Variants in CSMD1 observed in about 807,000 individuals in gnomAD.
CSMD1 encodes the protein CUB and Sushi multiple domains 1, also known as CUB and sushi domain-containing protein 1.
A neutral mutation model predicts 417.5 loss-of-function variants in CSMD1; 213 were observed. That is an observed-to-expected ratio of 0.51 (90% confidence interval 0.46 to 0.57). The LOEUF is 0.57. Ranked by LOEUF, CSMD1 falls within the 20% of genes least tolerant of loss-of-function variation. The probability of loss-of-function intolerance (pLI) is 0.00; values close to 1 mark genes in which losing one functional copy is unlikely to be tolerated. For missense variants in CSMD1, 6,923 were observed against 4,529.7 expected, an observed-to-expected ratio of 1.53 and a Z score of -15.17; for synonymous variants, 2,862 against 1,736.8, an observed-to-expected ratio of 1.65 and a Z score of -16.11.
At chr8:4,948,154 T>C (rs56662834) in intron 1 of CSMD1, among the ~76,000 whole-genome samples, 10,840 of 152,070 alleles carry the variant, frequency 0.071, 474 homozygotes, top group South Asian at 0.17. Flanking sequence ...GGTACAAAGT[T>C]TCCTAATGAT....
At chr8:4,309,462 GA>G (rs1286159506) in intron 3 of CSMD1, among the ~76,000 whole-genome samples, 17 of 142,456 alleles carry the variant, frequency 1.2e-4, no homozygotes, top group South Asian at 4.2e-4. Context: ...TGAAAGACGA[GA>G]AAAAATAAAT....
In CSMD1 at chr8:3,190,094, G is replaced by A. The variant is rs577301274; in HGVS notation, c.5216C>T (p.Thr1739Ile). 2 of 1,591,156 alleles carry A rather than the reference G, an allele frequency of 1.3e-6. No individual in the cohort carries two copies. The highest frequency in any genetic ancestry group is 1.7e-6 in the Non-Finnish European group (2 of 1,168,910). ...VYQAVPRTSD[T>I]QCSSVPEPRY... ...GGGCTCGGGGACAGAGCTGCATTGG[G>A]TGTCACTGGTACGAGGAACAGCTAG... is the stretch of plus-strand genomic sequence containing the variant. The change falls in exon 34 of 70, where the codon ACC becomes ATC. Residue 1739 changes from threonine (T) to isoleucine (I), a missense_variant. Coordinates refer to ENST00000635120, the MANE Select transcript of CSMD1 (RefSeq NM_033225.6).
chr8:3,944,101 A>G (rs191691382), intron 5 of CSMD1, among the ~76,000 whole-genome samples: 142 of 152,304 alleles, frequency 9.3e-4, no homozygotes, highest in African/African-American at 3.1e-3. Context: ...AGAATAAAGC[A>G]AATGTGATAA....
At chr8:3,206,794 T>C (rs1797319402) in intron 30 of CSMD1, among the ~76,000 whole-genome samples, 1 of 152,154 alleles carries the variant, frequency 6.6e-6, no homozygotes, top group Non-Finnish European at 1.5e-5. Context: ...TGAAAAACAC[T>C]GTACACAGAT....
At position 3,121,082 on chromosome 8, in the gene CSMD1, A is replaced by C. The variant is rs555212154; in HGVS notation, c.6242-2495T>G. On this transcript the variant is annotated intron_variant, in intron 41 of 69. Transcript: ENST00000635120. ...AGCATTATTTACACTACAGAAATCC[A>C]AACAACAACAAAAAAAAAATAGGGA... 1.4e-3 allele frequency among the ~76,000 whole-genome samples: 190 copies of C among 138,242 alleles called. 2 individuals carry two copies. Among genetic ancestry groups the C allele is most frequent in the South Asian group, 2.7e-3 (12 of 4,436 alleles). The allele number at this position is 138,242 out of a possible 152,430, so 90.7% of individuals were successfully genotyped here.
chr8:4,631,554 G>A (rs566337794), intron 2 of CSMD1, among the ~76,000 whole-genome samples: 81 of 152,172 alleles, frequency 5.3e-4, no homozygotes, highest in African/African-American at 1.8e-3. Flanking sequence ...GCCCTCATAT[G>A]TCTATAAGTT....
chr8:4,942,623 T>C (rs1419828017), intron 1 of CSMD1, among the ~76,000 whole-genome samples: 3 of 152,204 alleles, frequency 2.0e-5, no homozygotes, highest in Admixed American at 2.0e-4. Context: ...CCAATATGGA[T>C]CTTGCCACTT....
intron 2 of CSMD1, among the ~76,000 whole-genome samples, chr8:4,509,420 GTAAAGAATTAAT>G (rs533737188): frequency 5.9e-5 from 9 of 152,286 alleles, no homozygotes; most frequent in Non-Finnish European, 1.2e-4. Context: ...GTATTGAAAT[GTAAAGAATTAAT>G]TAAAGAATTA....
At chr8:3,344,233 G>C (rs1225215134) in intron 22 of CSMD1, among the ~76,000 whole-genome samples, 1 of 152,162 alleles carries the variant, frequency 6.6e-6, no homozygotes, top group Non-Finnish European at 1.5e-5. Context: ...ATCATAATCT[G>C]AATGAGGATC....
intron 4 of CSMD1, among the ~76,000 whole-genome samples, chr8:4,008,605 T>TTA (rs1451431055): frequency 2.2e-4 from 26 of 119,182 alleles, no homozygotes; most frequent in African/African-American, 9.2e-4. Flanking sequence ...TTTTTCTTTT[T>TTA]TTTTTTTTTT....
intron 3 of CSMD1, among the ~76,000 whole-genome samples, chr8:4,418,781 T>C (rs17414411): frequency 0.25 from 17,322 of 70,370 alleles, 1,389 homozygotes; most frequent in East Asian, 0.33. Context: ...TTTCCAAAGA[T>C]TAACTTATTC....
intron 1 of CSMD1, among the ~76,000 whole-genome samples, chr8:4,647,520 G>A (rs1803611635): frequency 6.6e-6 from 1 of 151,924 alleles, no homozygotes; most frequent in Non-Finnish European, 1.5e-5. Context: ...GTGTGCCATG[G>A]TTGTTTGCTG....
At chr8:3,428,953 T>G (rs11775111) in intron 12 of CSMD1, among the ~76,000 whole-genome samples, 19,129 of 152,186 alleles carry the variant, frequency 0.13, 1,298 homozygotes, top group Middle Eastern at 0.2. Context: ...GACAAGCACA[T>G]CATCATCTCA....
chr8:3,575,586 G>T (rs1585395209), intron 9 of CSMD1, among the ~76,000 whole-genome samples: 2 of 152,140 alleles, frequency 1.3e-5, no homozygotes, highest in South Asian at 2.1e-4. Context: ...TGGAGCAGAT[G>T]ATCTCCAAAG....
intron 5 of CSMD1, among the ~76,000 whole-genome samples, chr8:3,754,690 G>A (rs1358324627): frequency 6.6e-6 from 1 of 152,178 alleles, no homozygotes; most frequent in African/African-American, 2.4e-5. Context: ...TGTGACCTCA[G>A]GTGATCTGCC....
In CSMD1 at chr8:4,757,882, C is replaced by G. The variant is rs186838521; in HGVS notation, c.86-120324G>C. On this transcript the variant is annotated intron_variant, in intron 1 of 69. Transcript: ENST00000635120. ...GCTGAGGCAGAAGAATCGCTTGAAC[C>G]TGGGAGGCAGCGGTTGAAGGGAGCC... Among the ~76,000 whole-genome samples, 894 of 149,244 alleles carry G rather than the reference C, an allele frequency of 6.0e-3. 7 individuals carry two copies. Among genetic ancestry groups the G allele is most frequent in the African/African-American group, 0.021 (843 of 40,484 alleles).
chr8:4,425,650 T>G (rs979498681), intron 2 of CSMD1, among the ~76,000 whole-genome samples: 1 of 151,184 alleles, frequency 6.6e-6, no homozygotes, highest in African/African-American at 2.4e-5. Flanking sequence ...TATTCTTGTC[T>G]GCCTCACTTT....
intron 28 of CSMD1, among the ~76,000 whole-genome samples, chr8:3,222,687 A>T (rs1798286704): frequency 6.6e-6 from 1 of 152,200 alleles, no homozygotes; most frequent in African/African-American, 2.4e-5. Flanking sequence ...AGAATTTAAC[A>T]TTAACAAAAC....
intron 8 of CSMD1, among the ~76,000 whole-genome samples, chr8:3,598,946 T>G (rs148152859): frequency 6.6e-6 from 1 of 152,142 alleles, no homozygotes; most frequent in African/African-American, 2.4e-5. Flanking sequence ...CTGGGCATGG[T>G]GGAGTGCACC....
Sources: gnomAD v4.1 joint callset for allele counts (sites outside exome capture counted in the v4.1 genomes callset) on GRCh38, gnomAD v4.1.1 for gene constraint, MANE v1.5 for transcripts, NCBI Gene and HGNC (gene_info 2026-07-23, HGNC 2026-07-21) for gene names.